SLC35D4: variants seen among roughly 807,000 people sequenced by gnomAD.
SLC35D4 encodes the protein UDP-N-acetylglucosamine transporter SLC35D4.
chr18:23,302,553 C>T, the SLC35D4 span, among the ~76,000 whole-genome samples: 1 of 152,168 alleles, frequency 6.6e-6, no homozygotes, highest in Non-Finnish European at 1.5e-5. Flanking sequence ...AGATGGCCTA[C>T]TTTGTGTAGC....
At chr18:23,411,042 G>A in the SLC35D4 span, among the ~76,000 whole-genome samples, 1 of 151,652 alleles carries the variant, frequency 6.6e-6, no homozygotes, top group Non-Finnish European at 1.5e-5. Flanking sequence ...CCACAAAGGA[G>A]GCAAGATGGA....
the SLC35D4 span, among the ~76,000 whole-genome samples, chr18:23,325,975 G>A: frequency 2.4e-4 from 37 of 152,350 alleles, no homozygotes; most frequent in Middle Eastern, 3.4e-3. Flanking sequence ...AAGGCAAGGA[G>A]TATGCATTTC....
chr18:23,429,174 T>C, the SLC35D4 span, among the ~76,000 whole-genome samples: 11 of 152,212 alleles, frequency 7.2e-5, 1 homozygote, highest in Non-Finnish European at 1.6e-4. Context: ...AGGTATATTT[T>C]TGGTAGAAGA....
chr18:23,399,877 A>G, the SLC35D4 span, among the ~76,000 whole-genome samples: 1 of 152,228 alleles, frequency 6.6e-6, no homozygotes, highest in African/African-American at 2.4e-5. Context: ...AAGAGATCCC[A>G]GAAATGGAAA....
the SLC35D4 span, chr18:23,356,484 C>T: frequency 9.0e-6 from 10 of 1,110,468 alleles, no homozygotes; most frequent in Admixed American, 1.5e-4. This position sits in a 1 kb window ranked among gnomAD's most constrained non-coding sequence, Gnocchi z 4.1. Context: ...CATCCACCAC[C>T]ACTCTCTCCT....
At chr18:23,417,072 T>C in the SLC35D4 span, among the ~76,000 whole-genome samples, 5 of 151,856 alleles carry the variant, frequency 3.3e-5, no homozygotes, top group Non-Finnish European at 5.9e-5. Flanking sequence ...CAAACCCCCA[T>C]CTCTACAGAA....
At chr18:23,366,661 G>T in the SLC35D4 span, among the ~76,000 whole-genome samples, 2 of 152,220 alleles carry the variant, frequency 1.3e-5, no homozygotes, top group Non-Finnish European at 2.9e-5. Flanking sequence ...GCAGTGTGGA[G>T]GAAGACGGCT....
chr18:23,367,761 C>T, the SLC35D4 span, among the ~76,000 whole-genome samples: 2 of 146,134 alleles, frequency 1.4e-5, no homozygotes, highest in South Asian at 4.4e-4. Context: ...GCCCTGGATA[C>T]TTTTTTTTTT....
At chr18:23,282,652 T>C in the SLC35D4 span, among the ~76,000 whole-genome samples, 2 of 152,100 alleles carry the variant, frequency 1.3e-5, no homozygotes, top group African/African-American at 4.8e-5. Context: ...CTCCTCTGGT[T>C]TGTCCACAAC....
the SLC35D4 span, among the ~76,000 whole-genome samples, chr18:23,256,861 T>C: frequency 6.6e-6 from 1 of 152,242 alleles, no homozygotes; most frequent in Non-Finnish European, 1.5e-5. Flanking sequence ...TAGGGTGGAC[T>C]CTTAGTGCTG....
At chr18:23,259,278 C>G in the SLC35D4 span, 1 of 151,218 alleles carries the variant, frequency 6.6e-6, no homozygotes, top group Admixed American at 6.6e-5. Flanking sequence ...GTCTAGAGAG[C>G]TCCCCACTGC....
the SLC35D4 span, among the ~76,000 whole-genome samples, chr18:23,424,135 G>A: frequency 6.6e-6 from 1 of 151,880 alleles, no homozygotes; most frequent in African/African-American, 2.4e-5. Flanking sequence ...CCAGAAAGGG[G>A]CAAGATGGAT....
chr18:23,249,509 G>A, the SLC35D4 span, among the ~76,000 whole-genome samples: 2 of 152,248 alleles, frequency 1.3e-5, no homozygotes, highest in South Asian at 4.1e-4. Flanking sequence ...CCCACCCTCA[G>A]AGACTGTGAC....
chr18:23,311,137 T>C, the SLC35D4 span, among the ~76,000 whole-genome samples: 43 of 151,962 alleles, frequency 2.8e-4, no homozygotes, highest in African/African-American at 9.4e-4. Context: ...GGTCTCGCTT[T>C]GTCGCCCAGG....
chr18:23,266,231 T>C, the SLC35D4 span, among the ~76,000 whole-genome samples: 3 of 152,120 alleles, frequency 2.0e-5, no homozygotes, highest in African/African-American at 7.2e-5. Flanking sequence ...AGGCAGACCG[T>C]GCGGCCTTAT....
At chr18:23,339,888 C>G in the SLC35D4 span, among the ~76,000 whole-genome samples, 1 of 152,206 alleles carries the variant, frequency 6.6e-6, no homozygotes, top group African/African-American at 2.4e-5. Context: ...GTCCCCGCCT[C>G]TTACTACCAT....
chr18:23,412,341 C>T, the SLC35D4 span, among the ~76,000 whole-genome samples: 2 of 152,100 alleles, frequency 1.3e-5, no homozygotes, highest in Non-Finnish European at 2.9e-5. Flanking sequence ...CAAAAAGAAA[C>T]CAAGGTTCAT....
At chr18:23,421,382 A>C in the SLC35D4 span, 2 of 1,614,086 alleles carry the variant, frequency 1.2e-6, no homozygotes, top group South Asian at 2.2e-5. Context: ...ACTGCTGTTG[A>C]TCTCTACCCA....
the SLC35D4 span, among the ~76,000 whole-genome samples, chr18:23,311,630 G>A: frequency 6.6e-6 from 1 of 152,162 alleles, no homozygotes. Context: ...AGATCTCCTA[G>A]CTGGGGGTGA....
Sources: gnomAD v4.1 joint callset for allele counts (sites outside exome capture counted in the v4.1 genomes callset) on GRCh38, gnomAD v4.1.1 for gene constraint, Gnocchi (gnomAD v3.1) non-coding constraint, MANE v1.5 for transcripts, NCBI Gene and HGNC (gene_info 2026-07-23, HGNC 2026-07-21) for gene names.